The following DKK4 variants were observed in gnomAD, a reference collection of about 807,000 sequenced individuals.
DKK4 encodes the protein dickkopf-related protein 4.
A neutral mutation model predicts 14.5 loss-of-function variants in DKK4; 15 were observed. The ratio of observed to expected loss-of-function variants is 1.03; its 90% CI spans 0.69 to 1.59. The LOEUF is 1.59. Ranked by LOEUF, DKK4 falls within the 40% of genes most tolerant of loss-of-function variation. The pLI, the probability that DKK4 is intolerant of heterozygous loss-of-function variation, is 0.00. For synonymous variants in DKK4, 89 were observed against 105.2 expected, an observed-to-expected ratio of 0.85 and a Z score of 0.94; for missense variants, 272 against 280.3, an observed-to-expected ratio of 0.97 and a Z score of 0.21.
chr8:42,379,678 T>C (rs1265843512), upstream of DKK4, among the ~76,000 whole-genome samples: 1 of 152,046 alleles, frequency 6.6e-6, no homozygotes, highest in African/African-American at 2.4e-5. Context: ...TGAATTTTGT[T>C]GGTTGCATAG....
At chr8:42,387,301 G>A in the DKK4 span, among the ~76,000 whole-genome samples, 24 of 148,746 alleles carry the variant, frequency 1.6e-4, no homozygotes, top group African/African-American at 5.0e-4. Flanking sequence ...ATGTGAGAAC[G>A]AGTGCATTAT....
At chr8:42,381,039 C>T (rs1189183191), upstream of DKK4, among the ~76,000 whole-genome samples, 1 of 151,980 alleles carries the variant, frequency 6.6e-6, no homozygotes, top group African/African-American at 2.4e-5. Flanking sequence ...TTAGGTTGCA[C>T]TGGGAGAGAG....
chr8:42,379,971 G>GT (rs1425247967), upstream of DKK4, among the ~76,000 whole-genome samples: 1 of 152,132 alleles, frequency 6.6e-6, no homozygotes, highest in Non-Finnish European at 1.5e-5. Context: ...TTCGTGAGGA[G>GT]GATAAAGCAA....
At chr8:42,376,497 A>G (rs139353473) in intron 1 of DKK4, among the ~76,000 whole-genome samples, 508 of 152,350 alleles carry the variant, frequency 3.3e-3, no homozygotes, top group African/African-American at 0.012. Context: ...GCAATGCATC[A>G]TGGCCCTCTG....
rs1023524632 is a variant in DKK4 at position 42,377,149 on chromosome 8, G to A, written c.-104C>T. On this transcript the variant is annotated 5_prime_UTR_variant, in exon 1 of 4. In the 5' UTR this introduces an upstream ATG that the reference lacks. Transcript: ENST00000220812. ...TTCCACTAAGCTGGCAGCTCAGCAC[G>A]TCGTCTGTTTGTCACTGCTTTTTCT... The A allele has an allele frequency of 1.0e-5, 9 of 876,428 alleles. No individual in the cohort carries two copies. The highest frequency in any genetic ancestry group is 1.7e-5 in the African/African-American group (1 of 59,574). 54.3% of individuals were successfully genotyped at this position (876,428 alleles called of 1,614,324 possible).
At chr8:42,377,427 A>G (rs1228698721), upstream of DKK4, among the ~76,000 whole-genome samples, 2 of 152,172 alleles carry the variant, frequency 1.3e-5, no homozygotes, top group African/African-American at 2.4e-5. Context: ...CCTCTTAATT[A>G]TTGCATATCA....
upstream of DKK4, among the ~76,000 whole-genome samples, chr8:42,379,985 G>C (rs934973220): frequency 2.0e-5 from 3 of 152,106 alleles, no homozygotes; most frequent in Non-Finnish European, 2.9e-5. Context: ...AAAGCAAGAG[G>C]ACCACTTGAG....
At chr8:42,383,426 C>G in the DKK4 span, among the ~76,000 whole-genome samples, 1 of 152,256 alleles carries the variant, frequency 6.6e-6, no homozygotes, top group East Asian at 1.9e-4. Flanking sequence ...CTGCCATGGC[C>G]TCCAAGTTGC....
In DKK4 at chr8:42,377,008, C is replaced by A. The variant is rs1479215084; in HGVS notation, c.38G>T (p.Cys13Phe). 1 of 1,613,590 alleles carries A rather than the reference C, an allele frequency of 6.2e-7. No individual in the cohort carries two copies. The change falls in exon 1 of 4, where the codon TGC (cysteine) becomes TTC (phenylalanine). Residue 13 changes from cysteine to phenylalanine, a missense_variant. Coordinates refer to ENST00000220812, the MANE Select transcript of DKK4 (RefSeq NM_014420.3). ...AAVLLGLSWLCSPLGALVLDF... is the reference protein window; with the variant it reads ...AAVLLGLSWLFSPLGALVLDF... ...CAGGACCAGAGCTCCCAGGGGAGAG[C>A]AGAGCCAGCTCAGCCCCAGCAGGAC...
chr8:42,382,437 G>A, the DKK4 span, among the ~76,000 whole-genome samples: 1 of 152,202 alleles, frequency 6.6e-6, no homozygotes, highest in Admixed American at 6.5e-5. Context: ...TGAAGCAGGT[G>A]TGGAGAGGAA....
the DKK4 span, among the ~76,000 whole-genome samples, chr8:42,386,373 C>T: frequency 6.6e-6 from 1 of 152,198 alleles, no homozygotes; most frequent in South Asian, 2.1e-4. Flanking sequence ...TTTCAATGAG[C>T]CTTTCTTCAA....
the DKK4 span, among the ~76,000 whole-genome samples, chr8:42,383,695 C>A: frequency 6.6e-6 from 1 of 152,220 alleles, no homozygotes; most frequent in Admixed American, 6.5e-5. Flanking sequence ...GTAATCCCAG[C>A]ACTTTGCAAG....
At chr8:42,383,102 A>C in the DKK4 span, among the ~76,000 whole-genome samples, 2 of 152,358 alleles carry the variant, frequency 1.3e-5, no homozygotes, top group Non-Finnish European at 2.9e-5. Context: ...ATCTCACAGG[A>C]AATATTCCAT....
the DKK4 span, among the ~76,000 whole-genome samples, chr8:42,383,319 G>A: frequency 4.6e-5 from 7 of 152,240 alleles, no homozygotes; most frequent in African/African-American, 1.2e-4. Context: ...TTTTGCAGAC[G>A]GTATAGCCTC....
At chr8:42,379,387 A>ATG (rs1563415728), upstream of DKK4, among the ~76,000 whole-genome samples, 5 of 46,610 alleles carry the variant, frequency 1.1e-4, no homozygotes, top group African/African-American at 5.4e-4. Context: ...ATAGAGAGAG[A>ATG]GAGAGAGAGA....
the DKK4 span, among the ~76,000 whole-genome samples, chr8:42,383,146 G>A: frequency 6.6e-6 from 1 of 152,212 alleles, no homozygotes; most frequent in Admixed American, 6.5e-5. Flanking sequence ...TGTTGATGGG[G>A]CGGGCAGACA....
chr8:42,382,734 A>C, the DKK4 span, among the ~76,000 whole-genome samples: 1 of 152,238 alleles, frequency 6.6e-6, no homozygotes, highest in Admixed American at 6.5e-5. Flanking sequence ...CTGATGCTTC[A>C]AGTTTTGCAG....
At chr8:42,390,673 C>G in the DKK4 span, among the ~76,000 whole-genome samples, 1 of 152,170 alleles carries the variant, frequency 6.6e-6, no homozygotes, top group African/African-American at 2.4e-5. Flanking sequence ...AGTTCACTAG[C>G]CTTTTTCCTA....
upstream of DKK4, among the ~76,000 whole-genome samples, chr8:42,381,464 A>G (rs1157100208): frequency 6.6e-6 from 1 of 152,196 alleles, no homozygotes; most frequent in Non-Finnish European, 1.5e-5. Flanking sequence ...CAAGCACCAG[A>G]TGCCAGAGGA....
Sources: gnomAD v4.1 joint callset for allele counts (sites outside exome capture counted in the v4.1 genomes callset) on GRCh38, gnomAD v4.1.1 for gene constraint, MANE v1.5 for transcripts, NCBI Gene and HGNC (gene_info 2026-07-23, HGNC 2026-07-21) for gene names.